Variants in CLBA1 observed in about 807,000 individuals in gnomAD.
The protein encoded by CLBA1 is clathrin binding box of aftiphilin containing 1, also known as uncharacterized protein CLBA1.
CLBA1 carries 30 observed loss-of-function variants against 28.8 expected under a neutral mutation model. The observed-to-expected ratio is 1.04, with a 90% CI of 0.78 to 1.41. CLBA1 has a LOEUF of 1.41. Among genes scored for constraint, CLBA1 ranks in the 40% most tolerant of loss-of-function variants. The pLI, the probability that CLBA1 is intolerant of heterozygous loss-of-function variation, is 0.00. For missense variants in CLBA1, 451 were observed against 412.3 expected, an observed-to-expected ratio of 1.09 and a Z score of -0.81; for synonymous variants, 160 against 152.8, an observed-to-expected ratio of 1.05 and a Z score of -0.35.
chr14:105,000,823 T>A (rs756140587), intron 2 of CLBA1, among the ~76,000 whole-genome samples: 8 of 152,032 alleles, frequency 5.3e-5, no homozygotes, highest in Non-Finnish European at 8.8e-5. Flanking sequence ...ACCGCCGCTA[T>A]GGAAAACAGT....
chr14:104,994,387 C>G (rs1184473751), intron 4 of CLBA1: 1 of 985,348 alleles, frequency 1.0e-6, no homozygotes, highest in Non-Finnish European at 1.2e-6. Flanking sequence ...GGCTGCAGGC[C>G]AGAGCCACAG....
At position 104,989,066 on chromosome 14, in the gene CLBA1, G is replaced by A. The variant is rs145688822; in HGVS notation, c.547G>A (p.Val183Ile). The change falls in exon 2 of 5, where the codon GTT (valine) becomes ATT (isoleucine). Residue 183 changes from valine (V) to isoleucine (I), a missense_variant. By Grantham distance (29) the Val-to-Ile change is conservative (BLOSUM62 3). Transcript: ENST00000547315. The stretch of plus-strand genomic sequence containing the variant: ...AATAAGCAGTGAAGAAAAACCTGGC[G>A]TTGAACGTGTACATAAATTGTGGTA... The part of the protein sequence containing the change: ...LEISSEEKPG[V>I]ERVHKLCNES... 2.3e-5 allele frequency: 37 copies of A among 1,610,804 alleles called. No individual in the cohort carries two copies. The highest frequency in any genetic ancestry group is 8.0e-5 in the African/African-American group (6 of 74,928).
chr14:104,990,774 C>T (rs1595443341), intron 2 of CLBA1: 1 of 152,854 alleles, frequency 6.5e-6, no homozygotes, highest in African/African-American at 2.4e-5. Flanking sequence ...CTGTTTTGTA[C>T]TCAGCACAGT....
chr14:104,985,829 A>C lies in CLBA1; in HGVS notation c.-603A>C, dbSNP rs1277591483. 2 of 299,830 alleles carry C rather than the reference A, an allele frequency of 6.7e-6. No individual in the cohort carries two copies. Among genetic ancestry groups the C allele is most frequent in the African/African-American group, 2.6e-5 (1 of 39,070 alleles). 18.6% of individuals were successfully genotyped at this position (299,830 alleles called of 1,614,324 possible). On this transcript the variant is annotated 5_prime_UTR_variant, in exon 1 of 5. Coordinates refer to ENST00000547315, the MANE Select transcript of CLBA1 (RefSeq NM_174891.4). The stretch of plus-strand genomic sequence containing the variant: ...CAGGCAGGAGGGAACGGCTGGTTGC[A>C]GGTTTCTCTCGCCCTGGTCCCGCGC...
chr14:104,993,576 G>C, intron 4 of CLBA1: 2 of 985,454 alleles, frequency 2.0e-6, no homozygotes, highest in Non-Finnish European at 2.4e-6. Context: ...CATCACAGCC[G>C]GGCTCAAGGC....
chr14:104,989,152 G>C (rs1393919453), intron 2 of CLBA1, 64 bp downstream of exon 2: 1 of 1,534,234 alleles, frequency 6.5e-7, no homozygotes, highest in Admixed American at 1.8e-5. Context: ...ATAAAAGTAG[G>C]TGTGTGAGGC....
At position 104,989,014 on chromosome 14, in the gene CLBA1, C is replaced by T. The variant is rs373737894; in HGVS notation, c.495C>T (p.Asp165=). The part of the protein sequence containing the change: ...QEITVQQAAE[D]VSTIDHFLEI... ...TAACAGTCCAGCAGGCAGCTGAAGA[C>T]GTTTCCACCATAGACCATTTCCTAG... The change falls in exon 2 of 5, where the codon GAC becomes GAT. Residue 165 remains aspartate, a synonymous_variant. Coordinates refer to ENST00000547315, the MANE Select transcript of CLBA1 (RefSeq NM_174891.4). The T allele has an allele frequency of 5.2e-5, 84 of 1,613,354 alleles. No homozygotes were observed. The highest frequency in any genetic ancestry group is 1.6e-4 in the Middle Eastern group (1 of 6,062).
At chr14:104,999,022 C>T (rs922196377), downstream of CLBA1, among the ~76,000 whole-genome samples, 1 of 152,236 alleles carries the variant, frequency 6.6e-6, no homozygotes, top group Non-Finnish European at 1.5e-5. Flanking sequence ...CCGTTTCTGC[C>T]CACCTCGGCC....
At chr14:104,994,503 G>A (rs1371691781) in intron 4 of CLBA1, 95 bp from the exon 5 acceptor site, 7 of 1,478,326 alleles carry the variant, frequency 4.7e-6, no homozygotes, top group Non-Finnish European at 5.3e-6. Flanking sequence ...AACACTAGGG[G>A]GCCGAGAGGC....
intron 1 of CLBA1, among the ~76,000 whole-genome samples, chr14:104,987,797 A>G (rs964947597): frequency 1.3e-4 from 19 of 148,798 alleles, no homozygotes; most frequent in African/African-American, 4.7e-4. Flanking sequence ...TTTTATATAT[A>G]TATATATATA....
At chr14:104,989,283 G>GC in intron 2 of CLBA1, 195 bp downstream of exon 2, 1 of 576,480 alleles carries the variant, frequency 1.7e-6, no homozygotes, top group Non-Finnish European at 3.0e-6. Flanking sequence ...TCCACTCTGA[G>GC]CCCTATTCAT....
At chr14:104,991,692 C>T (rs573199834) in intron 3 of CLBA1, 72 bp downstream of exon 3, 20 of 1,520,310 alleles carry the variant, frequency 1.3e-5, no homozygotes, top group Middle Eastern at 2.3e-4. Flanking sequence ...GGCCCTTGGC[C>T]GCGCCCAAGG....
At chr14:104,993,831 G>A (rs541840996) in intron 4 of CLBA1, 1 of 985,478 alleles carries the variant, frequency 1.0e-6, no homozygotes, top group Non-Finnish European at 1.2e-6. Context: ...GCGGCTGTGA[G>A]CATGAAGAGT....
chr14:104,999,214 T>G, downstream of CLBA1: 5 of 985,376 alleles, frequency 5.1e-6, no homozygotes, highest in Non-Finnish European at 6.0e-6. Context: ...TGGCCTTTGA[T>G]TCCTAGAGGC....
chr14:104,988,907 C>T lies in CLBA1; in HGVS notation c.424-36C>T, dbSNP rs920757951. ...AAGGTAACGTTATGTATGTCTTTCT[C>T]CTAACTTTGGTATGCTTTTCTTCTT... On this transcript the variant is annotated intron_variant, in intron 1 of 4. Transcript: ENST00000547315. 7.7e-6 allele frequency: 12 copies of T among 1,560,998 alleles called. No individual in the cohort carries two copies. The African/African-American group carries it at 1.2e-4, about 16-fold the overall frequency.
intron 3 of CLBA1, among the ~76,000 whole-genome samples, chr14:104,992,702 G>A (rs1042911942): frequency 1.3e-5 from 2 of 152,232 alleles, no homozygotes; most frequent in African/African-American, 2.4e-5. Flanking sequence ...GAAAGTGGCC[G>A]TGAAGACATT....
At chr14:104,995,539 G>A, downstream of CLBA1, 1 of 979,582 alleles carries the variant, frequency 1.0e-6, no homozygotes, top group South Asian at 4.7e-5. Context: ...TGGTTCATCA[G>A]CTGGGGGGAC....
intron 2 of CLBA1, chr14:104,989,346 T>C (rs1200021029): frequency 4.3e-6 from 2 of 465,578 alleles, no homozygotes; most frequent in South Asian, 2.1e-5. Flanking sequence ...CCAGCTCCCC[T>C]TGGGTCTCAG....
chr14:104,994,932 A>C lies in CLBA1; in HGVS notation c.*173A>C. ...GGCTTGTCTCGGGTCTGACCAGGAG[A>C]TGGAGGATGTGTCCTTGGCAGAGCC... On this transcript the variant is annotated 3_prime_UTR_variant, in exon 5 of 5. Transcript: ENST00000547315. The C allele has an allele frequency of 7.4e-7, 1 of 1,348,754 alleles. No individual in the cohort carries two copies. Among genetic ancestry groups the C allele is most frequent in the Non-Finnish European group, 9.5e-7 (1 of 1,053,184 alleles). The allele number at this position is 1,348,754 out of a possible 1,614,324, so 83.5% of individuals were successfully genotyped here. A position where few individuals can be genotyped will look rare whatever the true frequency, so the allele number is the denominator to read the frequency against.
Sources: allele counts gnomAD v4.1 joint callset (sites outside exome capture counted in the v4.1 genomes callset), GRCh38; gene constraint gnomAD v4.1.1; transcripts MANE v1.5; gene names NCBI Gene and HGNC (gene_info 2026-07-23, HGNC 2026-07-21).